The following GPATCH2 variants were observed in gnomAD, a reference collection of about 807,000 sequenced individuals.
GPATCH2 encodes G patch domain-containing protein 2.
Under a neutral mutation model 58.0 loss-of-function variants are expected in GPATCH2, and 51 were observed. The observed-to-expected ratio is 0.88, with a 90% confidence interval of 0.70 to 1.11. The LOEUF (loss-of-function observed/expected upper bound fraction) is 1.11, where lower values mean the gene tolerates loss of function less well. Ranked by LOEUF, GPATCH2 falls within the 50% of genes most tolerant of loss-of-function variation. The pLI is 0.00. For missense variants in GPATCH2, 625 were observed against 652.2 expected (o/e 0.96, Z 0.45); for synonymous variants, 222 against 218.5 (o/e 1.02, Z -0.14).
intron 5 of GPATCH2, among the ~76,000 whole-genome samples, chr1:217,577,191 T>G (rs1282406172): frequency 6.6e-6 from 1 of 152,194 alleles, no homozygotes; most frequent in Non-Finnish European, 1.5e-5. Flanking sequence ...CTTTAAAAAT[T>G]TCCTTACCCT....
At chr1:217,444,130 C>T (rs1005905317) in intron 9 of GPATCH2, among the ~76,000 whole-genome samples, 1 of 152,152 alleles carries the variant, frequency 6.6e-6, no homozygotes, top group Non-Finnish European at 1.5e-5. Flanking sequence ...CTCTTGGTCA[C>T]AAATCTTCAG....
chr1:217,450,115 C>T (rs537813597), intron 8 of GPATCH2, among the ~76,000 whole-genome samples: 1 of 152,098 alleles, frequency 6.6e-6, no homozygotes, highest in Admixed American at 6.5e-5. Context: ...AAAAAGAAAG[C>T]ATTTAAAGTC....
rs184361037 is a variant in GPATCH2, at chr1:217,539,571, T to C, written c.1099-24682A>G. Among the ~76,000 whole-genome samples, 418 of 152,322 alleles carry C rather than the reference T, an allele frequency of 2.7e-3. 11 individuals are homozygous for C. The highest frequency in any genetic ancestry group is 0.025 in the Admixed American group (380 of 15,308). On this transcript the variant is annotated intron_variant, in intron 5 of 9. Transcript: ENST00000366935. ...CACAATCCCCTCAGTAGCAGACCTA[T>C]GATAAATGGACTTATTTTCCCAAAT... is the stretch of plus-strand genomic sequence containing the variant.
At position 217,591,159 on chromosome 1, in the gene GPATCH2, C is replaced by CT. The variant is rs1193446740; in HGVS notation, c.1098+19161dup. Among the ~76,000 whole-genome samples the CT allele has an allele frequency of 3.3e-5, 5 of 152,058 alleles. No homozygotes were observed. The East Asian group carries it at 9.7e-4, about 29-fold the overall frequency. ...GTTAACTGTTAAACAGGGAGAATAG[C>CT]TAGGCTATGTCAACAGCCAAGAGAC... On this transcript the variant is annotated intron_variant, in intron 5 of 9. Coordinates refer to ENST00000366935, the MANE Select transcript of GPATCH2 (RefSeq NM_018040.5).
intron 5 of GPATCH2, among the ~76,000 whole-genome samples, chr1:217,571,239 C>T (rs952682277): frequency 2.0e-5 from 3 of 152,106 alleles, no homozygotes; most frequent in African/African-American, 7.2e-5. Flanking sequence ...TTAACATACA[C>T]ACACTCTCTC....
intron 6 of GPATCH2, among the ~76,000 whole-genome samples, chr1:217,510,334 T>C (rs2102571594): frequency 6.6e-6 from 1 of 152,094 alleles, no homozygotes; most frequent in East Asian, 1.9e-4. Context: ...CATTGGGACA[T>C]AAATATTATT....
intron 8 of GPATCH2, among the ~76,000 whole-genome samples, chr1:217,485,176 G>A (rs974700839): frequency 6.6e-6 from 1 of 152,070 alleles, no homozygotes; most frequent in Non-Finnish European, 1.5e-5. Flanking sequence ...ATGTCTGAGG[G>A]CAAGAGAATA....
intron 5 of GPATCH2, among the ~76,000 whole-genome samples, chr1:217,540,148 G>A (rs1242449069): frequency 6.6e-6 from 1 of 152,120 alleles, no homozygotes; most frequent in African/African-American, 2.4e-5. Flanking sequence ...AACTGATAAA[G>A]CACAATTAAT....
intron 9 of GPATCH2, among the ~76,000 whole-genome samples, chr1:217,444,289 G>T (rs913815944): frequency 6.6e-6 from 1 of 152,244 alleles, no homozygotes; most frequent in Non-Finnish European, 1.5e-5. Context: ...GGGATCCCAG[G>T]CTTGACTCCC....
At chr1:217,538,175 G>C (rs1403083417) in intron 5 of GPATCH2, among the ~76,000 whole-genome samples, 1 of 152,080 alleles carries the variant, frequency 6.6e-6, no homozygotes, top group African/African-American at 2.4e-5. Context: ...AGATCCAAAA[G>C]GCATGATATA....
intron 9 of GPATCH2, among the ~76,000 whole-genome samples, chr1:217,442,540 C>G (rs1302628368): frequency 6.6e-6 from 1 of 152,064 alleles, no homozygotes. Flanking sequence ...ATTTCTTTTG[C>G]CATATTTCCC....
At chr1:217,602,423 T>TA (rs1436494897) in intron 5 of GPATCH2, among the ~76,000 whole-genome samples, 1 of 152,128 alleles carries the variant, frequency 6.6e-6, no homozygotes, top group East Asian at 1.9e-4. Flanking sequence ...AAGTCTCAGC[T>TA]AAAAAGATCA....
chr1:217,561,916 G>C (rs1282611040), intron 5 of GPATCH2, among the ~76,000 whole-genome samples: 1 of 152,106 alleles, frequency 6.6e-6, no homozygotes, highest in Admixed American at 6.5e-5. Flanking sequence ...TTCTCTCTGG[G>C]GACTGGTTCT....
chr1:217,541,312 C>A (rs1664729397), intron 5 of GPATCH2, among the ~76,000 whole-genome samples: 1 of 152,146 alleles, frequency 6.6e-6, no homozygotes, highest in Non-Finnish European at 1.5e-5. Context: ...TCATTGAATG[C>A]AACACAATTC....
intron 5 of GPATCH2, among the ~76,000 whole-genome samples, chr1:217,523,796 T>A (rs578254966): frequency 0.17 from 22,306 of 133,276 alleles, 2,046 homozygotes; most frequent in East Asian, 0.44. Context: ...GCTGGCCAGG[T>A]GGGGGGCTGA....
intron 1 of GPATCH2, among the ~76,000 whole-genome samples, chr1:217,624,551 A>AC (rs1175859676): frequency 1.3e-5 from 2 of 152,362 alleles, no homozygotes; most frequent in African/African-American, 4.8e-5. Context: ...ATCCTAAGAG[A>AC]CCATCACATG....
At chr1:217,517,067 A>C (rs1663199017) in intron 5 of GPATCH2, among the ~76,000 whole-genome samples, 1 of 152,206 alleles carries the variant, frequency 6.6e-6, no homozygotes, top group Non-Finnish European at 1.5e-5. Flanking sequence ...AGTCAGAAAT[A>C]ATCATACTAT....
At chr1:217,603,736 C>T (rs1190508997) in intron 5 of GPATCH2, among the ~76,000 whole-genome samples, 1 of 152,106 alleles carries the variant, frequency 6.6e-6, no homozygotes, top group East Asian at 1.9e-4. Context: ...GATTCTCCTG[C>T]TTCTGCCTCC....
At chr1:217,438,793 T>TCAG (rs200571801) in intron 9 of GPATCH2, among the ~76,000 whole-genome samples, 2,334 of 152,210 alleles carry the variant, frequency 0.015, 22 homozygotes, top group African/African-American at 0.035. Flanking sequence ...AAAATACTCT[T>TCAG]CAGGATATTA....
Sources: allele counts gnomAD v4.1 joint callset (sites outside exome capture counted in the v4.1 genomes callset), GRCh38; gene constraint gnomAD v4.1.1; transcripts MANE v1.5; gene names NCBI Gene and HGNC (gene_info 2026-07-23, HGNC 2026-07-21).